Variants in DCLK2 observed in about 807,000 individuals in gnomAD.
DCLK2 encodes the protein serine/threonine-protein kinase DCLK2.
A neutral mutation model predicts 78.4 loss-of-function variants in DCLK2; 31 were observed. That is an observed-to-expected ratio of 0.40 (90% CI 0.30 to 0.53). The LOEUF is 0.53. Ranked by LOEUF, DCLK2 falls within the 20% of genes least tolerant of loss-of-function variation. The probability of loss-of-function intolerance (pLI) is 0.61; values close to 1 mark genes in which losing one functional copy is unlikely to be tolerated. For missense variants in DCLK2, 872 were observed against 973.7 expected, an observed-to-expected ratio of 0.90 and a Z score of 1.39; for synonymous variants, 407 against 374.9, an observed-to-expected ratio of 1.09 and a Z score of -0.99.
chr4:150,080,768 G>C (rs1366524613), intron 1 of DCLK2, among the ~76,000 whole-genome samples: 1 of 152,320 alleles, frequency 6.6e-6, no homozygotes, highest in East Asian at 1.9e-4. Flanking sequence ...GAAAACTAAA[G>C]GTCGTTGAGT....
At chr4:150,227,525 C>A (rs1291706353) in intron 8 of DCLK2, among the ~76,000 whole-genome samples, 2 of 152,228 alleles carry the variant, frequency 1.3e-5, no homozygotes, top group Admixed American at 1.3e-4. Context: ...AATCAAAGAG[C>A]GGTCTACCAG....
chr4:150,161,646 T>C (rs911315785), intron 2 of DCLK2, among the ~76,000 whole-genome samples: 2 of 152,218 alleles, frequency 1.3e-5, no homozygotes, highest in Non-Finnish European at 2.9e-5. Flanking sequence ...AGCCAGGTTA[T>C]ACACATTGAA....
chr4:150,230,389 T>C (rs75666954), intron 8 of DCLK2, among the ~76,000 whole-genome samples: 1,893 of 152,260 alleles, frequency 0.012, 42 homozygotes, highest in African/African-American at 0.043. Context: ...CTTACAGATA[T>C]CACTAAATTA....
chr4:150,095,035 A>T (rs1020013376), intron 1 of DCLK2, among the ~76,000 whole-genome samples: 1 of 152,238 alleles, frequency 6.6e-6, no homozygotes, highest in African/African-American at 2.4e-5. Context: ...GAAACAAATA[A>T]ATTGTAATTA....
In DCLK2 at chr4:150,078,831, C is replaced by T; in HGVS notation, c.-197C>T. The T allele has an allele frequency of 1.7e-6, 1 of 597,718 alleles. No individual in the cohort carries two copies. Among genetic ancestry groups the T allele is most frequent in the Admixed American group, 3.9e-5 (1 of 25,914 alleles). The allele number at this position is 597,718 out of a possible 1,614,324, so 37.0% of individuals were successfully genotyped here. ...CAATGACCTGGGCAGCTCGGCGCTG[C>T]GGACACTTTTAGCTGAGGGCGCGGG... is the stretch of plus-strand genomic sequence containing the variant. On this transcript the variant is annotated 5_prime_UTR_variant, in exon 1 of 16. Transcript: ENST00000296550.
intron 2 of DCLK2, among the ~76,000 whole-genome samples, chr4:150,130,714 G>A (rs768723092): frequency 4.6e-5 from 7 of 151,944 alleles, no homozygotes; most frequent in African/African-American, 1.5e-4. Flanking sequence ...GAAGACCACC[G>A]GCATAACCAG....
intron 2 of DCLK2, among the ~76,000 whole-genome samples, chr4:150,172,532 G>A (rs551219756): frequency 2.0e-3 from 306 of 150,754 alleles, no homozygotes; most frequent in Middle Eastern, 0.01. Context: ...GCGTGAACCC[G>A]GGAGGCGGAG....
At chr4:150,081,855 G>A (rs915987956) in intron 1 of DCLK2, among the ~76,000 whole-genome samples, 1 of 150,772 alleles carries the variant, frequency 6.6e-6, no homozygotes, top group Admixed American at 6.6e-5. Flanking sequence ...AAAATTAGCC[G>A]GGTGTGGCGG....
Position 150,189,740 on chromosome 4 carries a change from C to T in DCLK2, c.757-3398C>T, listed in dbSNP as rs573517228. ...TTGTACCACTCACCTGGAAAAGTTA[C>T]TCTGGTCTGAGAACTCAGTTCCAAT... On this transcript the variant is annotated intron_variant, in intron 2 of 15. Transcript: ENST00000296550. 2.5e-3 allele frequency among the ~76,000 whole-genome samples: 384 copies of T among 152,066 alleles called. 3 individuals are homozygous for T. The highest frequency in any genetic ancestry group is 8.7e-3 in the African/African-American group (360 of 41,480).
At chr4:150,123,697 A>G (rs1008178760) in intron 2 of DCLK2, among the ~76,000 whole-genome samples, 1 of 152,174 alleles carries the variant, frequency 6.6e-6, no homozygotes, top group Non-Finnish European at 1.5e-5. Context: ...AAGTGCAGAG[A>G]TATCCCTGTG....
intron 11 of DCLK2, among the ~76,000 whole-genome samples, chr4:150,240,097 G>T (rs530339258): frequency 7.9e-5 from 12 of 152,098 alleles, no homozygotes; most frequent in Non-Finnish European, 2.9e-5. Context: ...AGAGTCTGTT[G>T]CCTGCACCAT....
intron 2 of DCLK2, among the ~76,000 whole-genome samples, chr4:150,103,073 A>C (rs1299204988): frequency 1.3e-5 from 2 of 151,058 alleles, no homozygotes; most frequent in Admixed American, 1.3e-4. Flanking sequence ...TATTGGAAGG[A>C]AAATGTAAAT....
At chr4:150,157,092 G>A (rs1041924287) in intron 2 of DCLK2, among the ~76,000 whole-genome samples, 1 of 151,120 alleles carries the variant, frequency 6.6e-6, no homozygotes, top group African/African-American at 2.4e-5. Flanking sequence ...TTTCTAGTGT[G>A]TATGTATCAG....
intron 2 of DCLK2, among the ~76,000 whole-genome samples, chr4:150,186,976 A>C (rs1335075567): frequency 6.6e-6 from 1 of 152,000 alleles, no homozygotes; most frequent in Non-Finnish European, 1.5e-5. Context: ...TAATGATTGC[A>C]TTAGACTAAA....
chr4:150,084,814 G>A (rs1000700818), intron 1 of DCLK2, among the ~76,000 whole-genome samples: 3 of 152,132 alleles, frequency 2.0e-5, no homozygotes, highest in Admixed American at 6.5e-5. Flanking sequence ...GAGTTGCTGC[G>A]GGGTGTGTAC....
intron 2 of DCLK2, among the ~76,000 whole-genome samples, chr4:150,130,713 C>T (rs553108728): frequency 2.4e-4 from 37 of 151,988 alleles, no homozygotes; most frequent in Admixed American, 1.2e-3. Context: ...GGAAGACCAC[C>T]GGCATAACCA....
intron 15 of DCLK2, among the ~76,000 whole-genome samples, chr4:150,250,871 A>G (rs1368904208): frequency 1.3e-5 from 1 of 74,922 alleles, no homozygotes; most frequent in African/African-American, 4.8e-5. Context: ...CACCCCCAAC[A>G]TCCCCCACAC....
intron 7 of DCLK2, 94 bp downstream of exon 7, chr4:150,221,879 C>A: frequency 1.2e-6 from 1 of 839,812 alleles, no homozygotes; most frequent in Non-Finnish European, 1.8e-6. Context: ...GGAGTTTATT[C>A]TTAATTTTAA....
intron 2 of DCLK2, among the ~76,000 whole-genome samples, chr4:150,157,894 G>A (rs960017242): frequency 1.2e-4 from 18 of 152,172 alleles, no homozygotes; most frequent in African/African-American, 4.3e-4. Flanking sequence ...CTCCCACAGT[G>A]CTGGGATTAT....
Sources: gnomAD v4.1 joint callset for allele counts (sites outside exome capture counted in the v4.1 genomes callset) on GRCh38, gnomAD v4.1.1 for gene constraint, MANE v1.5 for transcripts, NCBI Gene and HGNC (gene_info 2026-07-23, HGNC 2026-07-21) for gene names.